SOS1: variants seen among roughly 807,000 people sequenced by gnomAD.
SOS1 encodes the protein son of sevenless homolog 1.
SOS1 carries 25 observed loss-of-function variants against 157.6 expected under a neutral mutation model. That is an observed-to-expected ratio of 0.16 (90% CI 0.12 to 0.22). The LOEUF (loss-of-function observed/expected upper bound fraction) is 0.22. Ranked by LOEUF, SOS1 falls within the 10% of genes least tolerant of loss-of-function variation. SOS1 has a pLI of 1.00. For missense variants in SOS1, 1,237 were observed against 1,599.1 expected (o/e 0.77, Z 3.86); for synonymous variants, 528 against 534.0 (o/e 0.99, Z 0.16).
chr2:39,077,398 A>C (rs762801773), intron 1 of SOS1, among the ~76,000 whole-genome samples: 1 of 152,124 alleles, frequency 6.6e-6, no homozygotes, highest in Non-Finnish European at 1.5e-5. Flanking sequence ...GAAGACCTTA[A>C]ATAGTATTAA....
At chr2:39,032,685 G>C (rs1392008337) in intron 8 of SOS1, among the ~76,000 whole-genome samples, 1 of 152,186 alleles carries the variant, frequency 6.6e-6, no homozygotes, top group Non-Finnish European at 1.5e-5. Flanking sequence ...CTCACTCTGG[G>C]CATGATGACT....
At chr2:39,102,230 A>AAAAAAAAT (rs1553370166) in intron 1 of SOS1, among the ~76,000 whole-genome samples, 1 of 142,860 alleles carries the variant, frequency 7.0e-6, no homozygotes, top group Non-Finnish European at 1.5e-5. Flanking sequence ...AAAAAAAAAA[A>AAAAAAAAT]GTGCCACTTT....
chr2:39,067,861 G>GT (rs1260167756), intron 1 of SOS1, 108 bp from the exon 2 acceptor site: 10 of 945,594 alleles, frequency 1.1e-5, no homozygotes, highest in Non-Finnish European at 1.3e-5. Flanking sequence ...GCTCATGCCT[G>GT]TAATGCCAGC....
At chr2:39,030,886 G>C (rs547874607) in intron 8 of SOS1, among the ~76,000 whole-genome samples, 4 of 152,156 alleles carry the variant, frequency 2.6e-5, no homozygotes, top group Non-Finnish European at 4.4e-5. Context: ...TTTGGATGCA[G>C]ACACATAGAG....
chr2:38,990,271 T>C (rs1041403888), intron 20 of SOS1, among the ~76,000 whole-genome samples: 6 of 152,044 alleles, frequency 3.9e-5, no homozygotes, highest in Non-Finnish European at 1.5e-5. Flanking sequence ...ACATTCCAGA[T>C]TTCTAGGCAG....
At chr2:39,014,733 A>C (rs768865271) in intron 11 of SOS1, 32 bp downstream of exon 11, 4 of 1,176,586 alleles carry the variant, frequency 3.4e-6, no homozygotes, top group East Asian at 4.8e-5. Flanking sequence ...AACAAAAAAT[A>C]ATGAATTTAA....
chr2:39,055,518 T>A (rs760252673), intron 4 of SOS1, among the ~76,000 whole-genome samples: 1 of 152,188 alleles, frequency 6.6e-6, no homozygotes, highest in Non-Finnish European at 1.5e-5. Flanking sequence ...TTAAAAAGCA[T>A]CAAGTATTTC....
chr2:39,078,542 G>T (rs1180955664), intron 1 of SOS1, among the ~76,000 whole-genome samples: 2 of 151,800 alleles, frequency 1.3e-5, no homozygotes, highest in South Asian at 2.1e-4. Context: ...GCAGCCTACC[G>T]GGGAGCATTA....
chr2:39,123,478 T>C (rs1036569755), upstream of SOS1, among the ~76,000 whole-genome samples: 1 of 151,996 alleles, frequency 6.6e-6, no homozygotes, highest in African/African-American at 2.4e-5. Context: ...CTGCCTCAGC[T>C]TCCCGAGTAG....
chr2:38,991,419 C>A lies in SOS1; in HGVS notation c.3347-2105G>T, dbSNP rs146454790. On this transcript the variant is annotated intron_variant, in intron 20 of 22. Coordinates refer to ENST00000402219, the MANE Select transcript of SOS1 (RefSeq NM_005633.4). ...CCCTAAGGGATGGAAATGGAGAAGT[C>A]AGACCTCTGACTCCCTTTTATGACC... 3.9e-5 allele frequency among the ~76,000 whole-genome samples: 6 copies of A among 152,288 alleles called. No individual in the cohort carries two copies. The East Asian group carries it at 1.2e-3, about 29-fold the overall frequency.
intron 1 of SOS1, among the ~76,000 whole-genome samples, chr2:39,103,869 G>C (rs928807159): frequency 6.6e-6 from 1 of 152,156 alleles, no homozygotes; most frequent in Non-Finnish European, 1.5e-5. Context: ...ACTTTTGATT[G>C]GGTTTAAATG....
At chr2:39,090,891 CAG>C (rs1672568617) in intron 1 of SOS1, among the ~76,000 whole-genome samples, 1 of 151,952 alleles carries the variant, frequency 6.6e-6, no homozygotes, top group African/African-American at 2.4e-5. Context: ...TTTTTTGAAA[CAG>C]AGTCTCATTC....
chr2:39,013,899 A>G lies in SOS1; in HGVS notation c.2031T>C (p.Phe677=). Residue 677 remains phenylalanine, a synonymous_variant, in exon 12 of 23, where the codon TTT becomes TTC. Coordinates refer to ENST00000402219, the MANE Select transcript of SOS1 (RefSeq NM_005633.4). ...GCACAGGCTGTATATATTCTTTTCTAAATCTTTTCAGTTCTGCACTCAAGG... is the reference window on the plus strand; with the variant it reads ...GCACAGGCTGTATATATTCTTTTCTGAATCTTTTCAGTTCTGCACTCAAGG... ...DQPLSAELKR[F]RKEYIQPVQL... is the part of the protein sequence containing the mutation. 2 of 1,609,484 alleles carry G rather than the reference A, an allele frequency of 1.2e-6. No individual in the cohort carries two copies. The highest frequency in any genetic ancestry group is 1.1e-5 in the South Asian group (1 of 91,018).
chr2:39,067,434 A>G (rs924955007), intron 2 of SOS1, among the ~76,000 whole-genome samples, 194 bp downstream of exon 2: 4 of 152,196 alleles, frequency 2.6e-5, no homozygotes, highest in African/African-American at 9.7e-5. Flanking sequence ...CCAAAAAAAA[A>G]ACCTCAAAAT....
intron 8 of SOS1, among the ~76,000 whole-genome samples, chr2:39,026,369 A>G (rs1418563237): frequency 1.0e-4 from 1 of 9,888 alleles, no homozygotes; most frequent in African/African-American, 1.3e-4. Context: ...AAAAAAAAAA[A>G]AAAAACAGAA....
chr2:39,030,414 A>T (rs983139105), intron 8 of SOS1, among the ~76,000 whole-genome samples: 1 of 152,048 alleles, frequency 6.6e-6, no homozygotes, highest in South Asian at 2.1e-4. Flanking sequence ...AAAATAATTT[A>T]AAAAAATTAG....
At chr2:39,029,215 TA>T (rs1285214106) in intron 8 of SOS1, among the ~76,000 whole-genome samples, 1 of 152,190 alleles carries the variant, frequency 6.6e-6, no homozygotes, top group East Asian at 1.9e-4. Flanking sequence ...CAATCAACCC[TA>T]AAAAATGTTA....
At chr2:39,024,676 C>CT (rs752205098) in intron 8 of SOS1, among the ~76,000 whole-genome samples, 9 of 152,094 alleles carry the variant, frequency 5.9e-5, no homozygotes, top group Non-Finnish European at 1.3e-4. Context: ...CACTTGATCT[C>CT]TGAGTCTTAC....
At chr2:39,059,658 G>A (rs1303029133) in intron 2 of SOS1, among the ~76,000 whole-genome samples, 1 of 151,942 alleles carries the variant, frequency 6.6e-6, no homozygotes, top group South Asian at 2.1e-4. Context: ...TTATAAATCT[G>A]AATAAAAAGT....
Sources: allele counts gnomAD v4.1 joint callset (sites outside exome capture counted in the v4.1 genomes callset), GRCh38; gene constraint gnomAD v4.1.1; transcripts MANE v1.5; gene names NCBI Gene and HGNC (gene_info 2026-07-23, HGNC 2026-07-21).